NPFFR2: variants seen among roughly 807,000 people sequenced by gnomAD.
NPFFR2 encodes the protein G-protein coupled receptor 74.
NPFFR2 carries 15 observed loss-of-function variants against 13.1 expected under a neutral mutation model. The observed-to-expected ratio is 1.15, with a 90% CI of 0.77 to 1.76. NPFFR2 has a LOEUF of 1.76. Ranked by LOEUF, NPFFR2 falls within the 40% of genes most tolerant of loss-of-function variation. The pLI is 0.00. For missense variants in NPFFR2, 572 were observed against 503.5 expected, an observed-to-expected ratio of 1.14 and a Z score of -1.30; for synonymous variants, 190 against 175.7, an observed-to-expected ratio of 1.08 and a Z score of -0.65.
chr4:72,039,512 T>TA, intron 1 of NPFFR2: 1 of 426,612 alleles, frequency 2.3e-6, no homozygotes, highest in Non-Finnish European at 3.1e-6. Flanking sequence ...TGTCATCATT[T>TA]AAAAAATATA....
At chr4:72,138,248 C>A in intron 3 of NPFFR2, 109 bp downstream of exon 3, 1 of 689,712 alleles carries the variant, frequency 1.4e-6, no homozygotes, top group Non-Finnish European at 2.5e-6. Flanking sequence ...AAATTGTATT[C>A]ACAATATCTA....
rs913639608 is a variant in NPFFR2, at chr4:72,148,254, A to G, written c.*442A>G. Among the ~76,000 whole-genome samples, 2 of 152,222 alleles carry G rather than the reference A, an allele frequency of 1.3e-5. No homozygotes were observed. Among genetic ancestry groups the G allele is most frequent in the Non-Finnish European group, 2.9e-5 (2 of 68,022 alleles). ...AGATTACAAGACTATTACTCTGCTT[A>G]TGTTTATAAACTGTACTTGGTTTTC... On this transcript the variant is annotated 3_prime_UTR_variant, in exon 4 of 4. Transcript: ENST00000308744.
intron 1 of NPFFR2, chr4:72,039,274 G>T: frequency 4.6e-6 from 1 of 217,092 alleles, no homozygotes; most frequent in African/African-American, 2.3e-5. Context: ...TTAGCCAGAT[G>T]GTCTCCATCT....
intron 1 of NPFFR2, among the ~76,000 whole-genome samples, chr4:72,116,301 A>G (rs1721709429): frequency 6.6e-6 from 1 of 152,124 alleles, no homozygotes; most frequent in South Asian, 2.1e-4. Context: ...TAAGGTGATT[A>G]TTTAACTATA....
intron 1 of NPFFR2, among the ~76,000 whole-genome samples, chr4:72,109,145 C>A (rs2109817248): frequency 6.6e-6 from 1 of 152,070 alleles, no homozygotes; most frequent in African/African-American, 2.4e-5. Context: ...ACCCAATATT[C>A]CTTTTTCAGA....
At chr4:72,034,353 C>G (rs1349804939) in intron 1 of NPFFR2, among the ~76,000 whole-genome samples, 2 of 152,170 alleles carry the variant, frequency 1.3e-5, no homozygotes, top group African/African-American at 4.8e-5. Flanking sequence ...GAAGGGGAAG[C>G]AAACACGTTC....
intron 2 of NPFFR2, among the ~76,000 whole-genome samples, chr4:72,137,257 T>C (rs975821343): frequency 5.9e-4 from 89 of 152,134 alleles, no homozygotes; most frequent in Non-Finnish European, 1.5e-5. Context: ...AAAAAATAAA[T>C]TTCAAAACTC....
chr4:72,066,899 G>A (rs900102152), intron 1 of NPFFR2, among the ~76,000 whole-genome samples: 1 of 152,094 alleles, frequency 6.6e-6, no homozygotes, highest in Non-Finnish European at 1.5e-5. Context: ...CTGGCATTCC[G>A]CATTGGTGAC....
intron 1 of NPFFR2, among the ~76,000 whole-genome samples, chr4:72,096,958 A>C (rs1191397838): frequency 6.6e-6 from 1 of 152,048 alleles, no homozygotes; most frequent in Non-Finnish European, 1.5e-5. Context: ...TTAAAAGTTT[A>C]AGTTGTTCTA....
intron 1 of NPFFR2, among the ~76,000 whole-genome samples, chr4:72,096,617 CA>C (rs2109806257): frequency 6.6e-6 from 1 of 152,172 alleles, no homozygotes; most frequent in South Asian, 2.1e-4. Context: ...ACATCAGTAT[CA>C]ACCAAGCCTC....
rs938314292 is a variant in NPFFR2 at position 72,060,223 on chromosome 4, T to C, written c.-8+28023T>C. Among the ~76,000 whole-genome samples, 5 of 152,240 alleles carry C rather than the reference T, an allele frequency of 3.3e-5. No individual in the cohort carries two copies. In the East Asian group the frequency reaches 9.6e-4, roughly 29 times the overall value. On this transcript the variant is annotated intron_variant, in intron 1 of 3. Coordinates refer to ENST00000308744, the MANE Select transcript of NPFFR2 (RefSeq NM_004885.3). ...TTGAGTCAATGGCATTTTGTAATAATCTCTGTGTGTCAGACGTTCTTACTA... is the reference window on the plus strand; with the variant it reads ...TTGAGTCAATGGCATTTTGTAATAACCTCTGTGTGTCAGACGTTCTTACTA...
At chr4:72,108,135 G>T (rs1163302612) in intron 1 of NPFFR2, among the ~76,000 whole-genome samples, 3 of 151,924 alleles carry the variant, frequency 2.0e-5, no homozygotes, top group Admixed American at 1.3e-4. Context: ...GTTTTGCAGT[G>T]TTATATACCA....
At chr4:72,037,242 C>A (rs6446798) in intron 1 of NPFFR2, among the ~76,000 whole-genome samples, 48,579 of 145,650 alleles carry the variant, frequency 0.33, 8,316 homozygotes, top group East Asian at 0.66. Flanking sequence ...AAAAAAAAAA[C>A]AAAAAACTAG....
At chr4:72,105,689 A>G (rs530365407) in intron 1 of NPFFR2, among the ~76,000 whole-genome samples, 9 of 152,182 alleles carry the variant, frequency 5.9e-5, no homozygotes, top group African/African-American at 2.2e-4. Context: ...TGAAAAGAGC[A>G]TATCTTGCTG....
chr4:72,045,544 C>A (rs1409255447), intron 1 of NPFFR2, among the ~76,000 whole-genome samples: 2 of 152,264 alleles, frequency 1.3e-5, no homozygotes, highest in East Asian at 1.9e-4. Flanking sequence ...GTATAATAAA[C>A]CCATGGTTAA....
chr4:72,068,879 C>G, intron 1 of NPFFR2: 1 of 578,640 alleles, frequency 1.7e-6, no homozygotes, highest in Middle Eastern at 2.9e-4. Context: ...CTGCATGGCT[C>G]TAGACACATA....
chr4:72,147,243 C>A lies in NPFFR2; in HGVS notation c.694C>A (p.Leu232Ile), dbSNP rs921223592. The part of the protein sequence containing the change: ...VLFANIYLAP[L>I]SLIVIMYGRI... ...GTTTGCCAACATCTACCTGGCTCCCCTCTCCCTCATTGTCATCATGTATGG... is the reference window on the plus strand; with the variant it reads ...GTTTGCCAACATCTACCTGGCTCCCATCTCCCTCATTGTCATCATGTATGG... The change falls in exon 4 of 4, where the codon CTC (leucine) becomes ATC (isoleucine). Residue 232 changes from leucine (L) to isoleucine (I), a missense_variant. Coordinates refer to ENST00000308744, the MANE Select transcript of NPFFR2 (RefSeq NM_004885.3). 7.4e-6 allele frequency: 12 copies of A among 1,614,028 alleles called. No individual in the cohort carries two copies. The African/African-American group carries it at 1.6e-4, about 22-fold the overall frequency.
At chr4:72,091,478 C>T (rs771722293) in intron 1 of NPFFR2, among the ~76,000 whole-genome samples, 4 of 151,756 alleles carry the variant, frequency 2.6e-5, no homozygotes, top group Non-Finnish European at 5.9e-5. Context: ...TATTTGTTGG[C>T]AATTTTTAAA....
intron 1 of NPFFR2, among the ~76,000 whole-genome samples, chr4:72,108,642 T>C (rs1721481160): frequency 6.6e-6 from 1 of 152,064 alleles, no homozygotes; most frequent in Non-Finnish European, 1.5e-5. Flanking sequence ...TATGAAAGTT[T>C]ATTTTTATGC....
Sources: allele counts gnomAD v4.1 joint callset (sites outside exome capture counted in the v4.1 genomes callset), GRCh38; gene constraint gnomAD v4.1.1; transcripts MANE v1.5; gene names NCBI Gene and HGNC (gene_info 2026-07-23, HGNC 2026-07-21).